Variants in USP34 observed in about 807,000 individuals in gnomAD.
The protein encoded by USP34 is ubiquitin carboxyl-terminal hydrolase 34.
Under a neutral mutation model 460.3 loss-of-function variants are expected in USP34, and 70 were observed. That is an observed-to-expected ratio of 0.15 (90% CI 0.13 to 0.19). The LOEUF is 0.19. Among genes scored for constraint, USP34 ranks in the 10% least tolerant of loss-of-function variants. The probability of loss-of-function intolerance (pLI) is 1.00; values close to 1 mark genes in which losing one functional copy is unlikely to be tolerated. For synonymous variants in USP34, 1,647 were observed against 1,405.3 expected (o/e 1.17, Z -3.85); for missense variants, 3,985 against 4,236.2 (o/e 0.94, Z 1.65).
At chr2:61,426,967 G>C (rs555354367) in intron 1 of USP34, among the ~76,000 whole-genome samples, 79 of 152,332 alleles carry the variant, frequency 5.2e-4, no homozygotes, top group South Asian at 2.9e-3. Context: ...GTACCTGTAT[G>C]AGTCTGCAAG....
At chr2:61,334,056 A>T (rs1276503527) in intron 18 of USP34, 85 bp from the exon 19 acceptor site, 1 of 941,206 alleles carries the variant, frequency 1.1e-6, no homozygotes, top group Non-Finnish European at 1.5e-6. Context: ...ATGCTAAAAG[A>T]TTTAATGAAT....
intron 1 of USP34, among the ~76,000 whole-genome samples, chr2:61,437,847 A>G (rs2104015557): frequency 6.6e-6 from 1 of 150,584 alleles, no homozygotes; most frequent in African/African-American, 2.4e-5. Context: ...ACAAGTAATG[A>G]GATTGAATCA....
chr2:61,435,895 G>C (rs1694799963), intron 1 of USP34, among the ~76,000 whole-genome samples: 1 of 152,092 alleles, frequency 6.6e-6, no homozygotes, highest in Non-Finnish European at 1.5e-5. Context: ...GGGCATGGTG[G>C]AGTGCGCCTG....
intron 43 of USP34, among the ~76,000 whole-genome samples, chr2:61,262,418 A>T (rs1688916880): frequency 6.6e-6 from 1 of 152,118 alleles, no homozygotes; most frequent in Non-Finnish European, 1.5e-5. Flanking sequence ...TCCCACTTAT[A>T]AGTGAGAACA....
chr2:61,341,997 A>C (rs1691618205), intron 16 of USP34, among the ~76,000 whole-genome samples: 1 of 151,988 alleles, frequency 6.6e-6, no homozygotes. Context: ...TGCTGACCTC[A>C]GATGATCCAC....
At chr2:61,207,085 TCTG>T in intron 70 of USP34, 199 bp from the exon 71 acceptor site, 2 of 511,930 alleles carry the variant, frequency 3.9e-6, no homozygotes, top group Admixed American at 3.7e-5. Context: ...CCTTCAGAGC[TCTG>T]CTATTTTGTG....
chr2:61,247,573 G>A (rs1390631577), intron 49 of USP34, among the ~76,000 whole-genome samples: 1 of 152,042 alleles, frequency 6.6e-6, no homozygotes, highest in Non-Finnish European at 1.5e-5. Flanking sequence ...CTACTATCCA[G>A]GCTGGAATGC....
chr2:61,194,105 T>A, intron 75 of USP34: 1 of 985,446 alleles, frequency 1.0e-6, no homozygotes, highest in Non-Finnish European at 1.2e-6. Context: ...AACCGTGGGT[T>A]AGACCAAGGA....
At chr2:61,434,001 G>A (rs954229500) in intron 1 of USP34, among the ~76,000 whole-genome samples, 1 of 152,064 alleles carries the variant, frequency 6.6e-6, no homozygotes, top group Admixed American at 6.6e-5. Flanking sequence ...CAAGCCAAAG[G>A]AACAGTCTGA....
At chr2:61,202,569 A>G (rs1463193725) in intron 75 of USP34, among the ~76,000 whole-genome samples, 1 of 152,216 alleles carries the variant, frequency 6.6e-6, no homozygotes, top group Non-Finnish European at 1.5e-5. Flanking sequence ...AAGATATTCG[A>G]GACCCCCCGC....
intron 1 of USP34, among the ~76,000 whole-genome samples, chr2:61,425,293 T>TA (rs1346118332): frequency 6.6e-6 from 1 of 151,956 alleles, no homozygotes; most frequent in Non-Finnish European, 1.5e-5. Flanking sequence ...AACACCTTCA[T>TA]AAAAAACAAA....
chr2:61,344,577 A>G (rs1691705086), intron 15 of USP34, among the ~76,000 whole-genome samples: 1 of 152,240 alleles, frequency 6.6e-6, no homozygotes, highest in Non-Finnish European at 1.5e-5. Context: ...ACTCACAAGT[A>G]GTACCATTAA....
At chr2:61,406,652 C>G (rs1355698676) in intron 2 of USP34, among the ~76,000 whole-genome samples, 1 of 149,060 alleles carries the variant, frequency 6.7e-6, no homozygotes, top group East Asian at 2.0e-4. Flanking sequence ...CTCTCTCTTT[C>G]TCTCTCTCTC....
chr2:61,280,163 C>T lies in USP34; in HGVS notation c.5256+81G>A, dbSNP rs1372324763. ...AGATTAATGAAGTACACTTAATAAC[C>T]AATAAAGTCATGAACATATGTCATA... On this transcript the variant is annotated intron_variant, in intron 39 of 79. Transcript: ENST00000398571. 4 of 795,012 alleles carry T rather than the reference C, an allele frequency of 5.0e-6. No homozygotes were observed. The African/African-American group carries it at 7.3e-5, about 15-fold the overall frequency. 49.2% of individuals were successfully genotyped at this position (795,012 alleles called of 1,614,324 possible).
chr2:61,414,850 T>C (rs1285005016), intron 2 of USP34, among the ~76,000 whole-genome samples: 1 of 152,098 alleles, frequency 6.6e-6, no homozygotes, highest in Non-Finnish European at 1.5e-5. Context: ...AGTCTGAAGT[T>C]ACAAAGTTAC....
chr2:61,292,617 T>TGATTTGA lies in USP34; in HGVS notation c.4548+846_4548+847insTCAAATC, dbSNP rs1470517656. Among the ~76,000 whole-genome samples the TGATTTGA allele has an allele frequency of 2.0e-5, 3 of 152,076 alleles. No individual in the cohort carries two copies. The East Asian group carries it at 5.8e-4, about 29-fold the overall frequency. The stretch of plus-strand genomic sequence containing the variant: ...AGACATAAGATTACTTGATGTCAAA[T>TGATTTGA]CATTATACCTGACTCCTAGGTTCAA... On this transcript the variant is annotated intron_variant, in intron 33 of 79. Transcript: ENST00000398571.
chr2:61,339,870 C>T (rs1442523308), intron 16 of USP34, among the ~76,000 whole-genome samples, 189 bp from the exon 17 acceptor site: 1 of 151,816 alleles, frequency 6.6e-6, no homozygotes, highest in Non-Finnish European at 1.5e-5. Context: ...CTGAGTCTCG[C>T]TATGTTGGCC....
In USP34 at chr2:61,405,696, T is replaced by C; in HGVS notation, c.552+12A>G. The C allele has an allele frequency of 6.6e-7, 1 of 1,511,198 alleles. No individual in the cohort carries two copies. Among genetic ancestry groups the C allele is most frequent in the Non-Finnish European group, 8.8e-7 (1 of 1,133,430 alleles). 93.6% of individuals were successfully genotyped at this position (1,511,198 alleles called of 1,614,324 possible). ...GGTATTACTTAAAATTCACACCACC[T>C]ATTTTACATACCTCAATAGTAGGGT... On this transcript the variant is annotated intron_variant, in intron 3 of 79. Transcript: ENST00000398571.
intron 47 of USP34, 80 bp downstream of exon 47, chr2:61,256,793 A>G: frequency 1.8e-6 from 2 of 1,082,462 alleles, no homozygotes; most frequent in East Asian, 2.7e-5. Flanking sequence ...GTTTAAAAAT[A>G]TCAAGATGAC....
Sources: gnomAD v4.1 joint callset for allele counts (sites outside exome capture counted in the v4.1 genomes callset) on GRCh38, gnomAD v4.1.1 for gene constraint, MANE v1.5 for transcripts, NCBI Gene and HGNC (gene_info 2026-07-23, HGNC 2026-07-21) for gene names.